Variants in BCAR3 observed in about 807,000 individuals in gnomAD.
The protein encoded by BCAR3 is breast cancer anti-estrogen resistance protein 3.
A neutral mutation model predicts 80.1 loss-of-function variants in BCAR3; 37 were observed. The ratio of observed to expected loss-of-function variants is 0.46; its 90% CI spans 0.36 to 0.61. The LOEUF (loss-of-function observed/expected upper bound fraction) is 0.61. Ranked by LOEUF, BCAR3 falls within the 20% of genes least tolerant of loss-of-function variation. The pLI, the probability that BCAR3 is intolerant of heterozygous loss-of-function variation, is 0.00. For synonymous variants in BCAR3, 389 were observed against 418.9 expected (o/e 0.93, Z 0.87); for missense variants, 978 against 1,068.2 (o/e 0.92, Z 1.18).
chr1:93,678,270 C>T (rs976971261), intron 1 of BCAR3, among the ~76,000 whole-genome samples: 9 of 152,178 alleles, frequency 5.9e-5, no homozygotes, highest in African/African-American at 1.7e-4. Flanking sequence ...TAATTGTTTA[C>T]CTGCAAAACA....
At chr1:93,806,967 T>G (rs1196530377) in intron 2 of BCAR3, among the ~76,000 whole-genome samples, 1 of 152,114 alleles carries the variant, frequency 6.6e-6, no homozygotes, top group East Asian at 1.9e-4. Context: ...TTAGCTGGCA[T>G]GCTGGTGCAC....
At chr1:93,587,144 C>CA (rs577962081) in intron 5 of BCAR3, among the ~76,000 whole-genome samples, 23 of 152,288 alleles carry the variant, frequency 1.5e-4, no homozygotes, top group African/African-American at 5.3e-4. Flanking sequence ...TTTTAAAAAT[C>CA]AGATTATTAG....
At chr1:93,685,987 C>A (rs1333356501), upstream of BCAR3, among the ~76,000 whole-genome samples, 1 of 151,834 alleles carries the variant, frequency 6.6e-6, no homozygotes, top group Non-Finnish European at 1.5e-5. Flanking sequence ...TTATCTAGGA[C>A]CTCTTTCCAC....
intron 2 of BCAR3, among the ~76,000 whole-genome samples, chr1:93,833,329 G>A (rs1026285062): frequency 7.9e-5 from 12 of 152,134 alleles, no homozygotes; most frequent in Non-Finnish European, 1.6e-4. Context: ...CACAAGGCCA[G>A]GGCAAAATTA....
intron 2 of BCAR3, among the ~76,000 whole-genome samples, chr1:93,750,348 A>G (rs577946358): frequency 1.3e-5 from 2 of 152,368 alleles, no homozygotes; most frequent in East Asian, 3.9e-4. Context: ...CACATCTGCA[A>G]AATGGGATTT....
intron 11 of BCAR3, among the ~76,000 whole-genome samples, chr1:93,563,616 T>C (rs1328554388): frequency 1.3e-5 from 2 of 152,236 alleles, no homozygotes; most frequent in African/African-American, 4.8e-5. Flanking sequence ...AAAATGGCTG[T>C]ATCATTTTAT....
At chr1:93,566,101 G>C (rs1468307815) in intron 11 of BCAR3, among the ~76,000 whole-genome samples, 1 of 152,066 alleles carries the variant, frequency 6.6e-6, no homozygotes, top group Non-Finnish European at 1.5e-5. Flanking sequence ...CTTCAGCCAC[G>C]GTCTTATGTG....
chr1:93,696,922 G>T (rs1189204512), intron 3 of BCAR3, among the ~76,000 whole-genome samples: 1 of 152,224 alleles, frequency 6.6e-6, no homozygotes, highest in Non-Finnish European at 1.5e-5. Flanking sequence ...GCTGTGGAGA[G>T]AAAGTTTGAA....
At chr1:93,609,003 AACAG>A (rs1419661938) in intron 3 of BCAR3, among the ~76,000 whole-genome samples, 2 of 152,186 alleles carry the variant, frequency 1.3e-5, no homozygotes, top group African/African-American at 2.4e-5. Context: ...CTGTCACCGT[AACAG>A]ACAGACCAAA....
At chr1:93,845,507 T>TATATATCATG (rs1557708608) in intron 2 of BCAR3, 1 of 116,418 alleles carries the variant, frequency 8.6e-6, no homozygotes, top group African/African-American at 3.3e-5. Context: ...TATATAAAAC[T>TATATATCATG]TTGTTTACAT....
rs1473964429 is a variant in BCAR3, at chr1:93,844,706, T to TTC, written c.-63+860_-63+861insGA. The stretch of plus-strand genomic sequence containing the variant: ...CTTGTTTGGCTGTGACTTTCTTCTT[T>TTC]TTTTTTTTTTTTTTCTTTTGGAGAT... On this transcript the variant is annotated intron_variant, in intron 2 of 13. Coordinates refer to the BCAR3 transcript ENST00000370244. Among the ~76,000 whole-genome samples, 3 of 142,382 alleles carry TTC rather than the reference T, an allele frequency of 2.1e-5. No homozygotes were observed. In the East Asian group the frequency reaches 5.8e-4, roughly 27 times the overall value. The allele number at this position is 142,382 out of a possible 152,430, so 93.4% of individuals were successfully genotyped here.
Position 93,592,626 on chromosome 1 carries a change from G to A in BCAR3, c.358-233C>T. 4.4e-6 allele frequency: 2 copies of A among 451,268 alleles called. No homozygotes were observed. Among genetic ancestry groups the A allele is most frequent in the South Asian group, 2.8e-5 (1 of 36,162 alleles). 28.0% of individuals were successfully genotyped at this position (451,268 alleles called of 1,614,324 possible). On this transcript the variant is annotated intron_variant, in intron 3 of 11. Transcript: ENST00000260502. This position sits in a 1 kb window ranked among gnomAD's most constrained non-coding sequence, Gnocchi z 4.8. Reference sequence around the variant, plus strand: ...CTATGGTAGGAGAGTCCACCAAGAGGTTCCTTTTACCAGTCTACTCAAGCA... The same window carrying A: ...CTATGGTAGGAGAGTCCACCAAGAGATTCCTTTTACCAGTCTACTCAAGCA...
At chr1:93,597,017 A>G (rs1674442215) in intron 3 of BCAR3, among the ~76,000 whole-genome samples, 1 of 152,222 alleles carries the variant, frequency 6.6e-6, no homozygotes, top group Non-Finnish European at 1.5e-5. Context: ...TGAGACCACA[A>G]TGAGACAAAC....
rs1673967821 is a variant in BCAR3, at chr1:93,586,907, T to G, written c.929+2070A>C. ...CTCCTGCCTTAGCCTCCCTAGTAGC[T>G]GGGACTACAGGCGTGCACCACCACA... is the stretch of plus-strand genomic sequence containing the variant. On this transcript the variant is annotated intron_variant, in intron 5 of 11. Coordinates refer to ENST00000260502, the MANE Select transcript of BCAR3 (RefSeq NM_003567.4). This position sits in a 1 kb window ranked among gnomAD's most constrained non-coding sequence, Gnocchi z 4.2. Among the ~76,000 whole-genome samples, 1 of 152,212 alleles carries G rather than the reference T, an allele frequency of 6.6e-6. No individual in the cohort carries two copies.
At chr1:93,769,960 C>A (rs1214166616) in intron 2 of BCAR3, among the ~76,000 whole-genome samples, 1 of 152,028 alleles carries the variant, frequency 6.6e-6, no homozygotes, top group Non-Finnish European at 1.5e-5. Flanking sequence ...AACCCTGACA[C>A]CAAGAAAGAG....
At chr1:93,731,411 A>G (rs1650784231) in intron 2 of BCAR3, among the ~76,000 whole-genome samples, 1 of 152,190 alleles carries the variant, frequency 6.6e-6, no homozygotes, top group African/African-American at 2.4e-5. Context: ...TTTTCTGTTT[A>G]TCTAAAGCTA....
At chr1:93,731,143 T>A (rs2100683608) in intron 2 of BCAR3, among the ~76,000 whole-genome samples, 1 of 152,212 alleles carries the variant, frequency 6.6e-6, no homozygotes, top group Non-Finnish European at 1.5e-5. Flanking sequence ...ACAAGGAAAG[T>A]CAGAAACAGT....
At chr1:93,771,544 C>G (rs1196585859) in intron 2 of BCAR3, among the ~76,000 whole-genome samples, 3 of 152,122 alleles carry the variant, frequency 2.0e-5, no homozygotes, top group African/African-American at 7.2e-5. Flanking sequence ...ATGAAGTGAA[C>G]CAGGCATCAA....
intron 3 of BCAR3, among the ~76,000 whole-genome samples, chr1:93,593,378 G>A (rs1674289925): frequency 1.3e-5 from 2 of 151,696 alleles, no homozygotes; most frequent in Admixed American, 1.3e-4. Context: ...TATTTTTTTT[G>A]AGACAGGGTC....
Sources: gnomAD v4.1 joint callset for allele counts (sites outside exome capture counted in the v4.1 genomes callset) on GRCh38, gnomAD v4.1.1 for gene constraint, Gnocchi (gnomAD v3.1) non-coding constraint, MANE v1.5 for transcripts, NCBI Gene and HGNC (gene_info 2026-07-23, HGNC 2026-07-21) for gene names.